Variants in IFT80 observed in about 807,000 individuals in gnomAD.
IFT80 encodes the protein intraflagellar transport protein 80 homolog.
In IFT80, 79 loss-of-function variants were observed where a neutral mutation model predicts 107.9. That is an observed-to-expected ratio of 0.73 (90% confidence interval 0.61 to 0.88). The LOEUF is 0.88. Among genes scored for constraint, IFT80 ranks in the 40% least tolerant of loss-of-function variants. The pLI is 0.00. For synonymous variants in IFT80, 299 were observed against 300.9 expected, an observed-to-expected ratio of 0.99 and a Z score of 0.07; for missense variants, 797 against 914.2, an observed-to-expected ratio of 0.87 and a Z score of 1.65.
At chr3:160,375,564 G>A (rs930832042) in intron 5 of IFT80, among the ~76,000 whole-genome samples, 7 of 151,888 alleles carry the variant, frequency 4.6e-5, no homozygotes, top group Non-Finnish European at 8.8e-5. Context: ...CCTTTCTAGA[G>A]ATTCACTAAC....
intron 5 of IFT80, among the ~76,000 whole-genome samples, chr3:160,368,152 T>G (rs577335964): frequency 6.6e-6 from 1 of 152,022 alleles, no homozygotes; most frequent in Admixed American, 6.6e-5. Flanking sequence ...ATCAATAAAA[T>G]TTAATTGTTT....
At chr3:160,315,962 T>C (rs1717785672) in intron 9 of IFT80, among the ~76,000 whole-genome samples, 1 of 152,144 alleles carries the variant, frequency 6.6e-6, no homozygotes, top group African/African-American at 2.4e-5. Flanking sequence ...AAAGGAAGCT[T>C]GTAAGGTGAC....
chr3:160,363,367 A>G (rs1322441177), intron 6 of IFT80, among the ~76,000 whole-genome samples: 1 of 152,184 alleles, frequency 6.6e-6, no homozygotes, highest in Non-Finnish European at 1.5e-5. Context: ...ATAAAGGAGG[A>G]CACAAACAAA....
At chr3:160,315,657 C>T (rs1035158998) in intron 9 of IFT80, among the ~76,000 whole-genome samples, 1 of 152,078 alleles carries the variant, frequency 6.6e-6, no homozygotes, top group Admixed American at 6.6e-5. Context: ...GTTTTCCTTT[C>T]TCCCCTTTTC....
chr3:160,381,658 T>C lies in IFT80; in HGVS notation c.104A>G (p.His35Arg). Reference protein sequence around the residue: ...AEELYSCSDDHQIVKWNLLTS... With the variant: ...AEELYSCSDDRQIVKWNLLTS... ...TAACAAGTTCCACTTCACTATCTGG[T>C]GATCATCACTACATGAATACAGCTC... is the stretch of plus-strand genomic sequence containing the variant. The change falls in exon 3 of 20, where the codon CAC becomes CGC. Residue 35 changes from histidine to arginine, a missense_variant. His to Arg is a conservative substitution (Grantham distance 29). Transcript: ENST00000326448. 1 of 1,612,406 alleles carries C rather than the reference T, an allele frequency of 6.2e-7. No individual in the cohort carries two copies. Among genetic ancestry groups the C allele is most frequent in the Non-Finnish European group, 8.5e-7 (1 of 1,179,922 alleles).
At chr3:160,312,203 G>T (rs531847753) in intron 9 of IFT80, among the ~76,000 whole-genome samples, 1 of 152,130 alleles carries the variant, frequency 6.6e-6, no homozygotes, top group Non-Finnish European at 1.5e-5. Context: ...TATGTGAATG[G>T]TGCCCTCTGG....
intron 8 of IFT80, among the ~76,000 whole-genome samples, chr3:160,347,407 T>C (rs1352727130): frequency 6.6e-6 from 1 of 152,206 alleles, no homozygotes; most frequent in African/African-American, 2.4e-5. Context: ...AACCAATTTC[T>C]AGGGCTGCCT....
intron 6 of IFT80, among the ~76,000 whole-genome samples, chr3:160,358,202 T>G (rs1380606621): frequency 1.3e-5 from 2 of 151,234 alleles, no homozygotes; most frequent in Non-Finnish European, 2.9e-5. Flanking sequence ...TTTTGGTAGA[T>G]AACTCTTGCT....
chr3:160,363,085 T>C (rs1267723483), intron 6 of IFT80, among the ~76,000 whole-genome samples: 1 of 152,190 alleles, frequency 6.6e-6, no homozygotes, highest in Non-Finnish European at 1.5e-5. Context: ...ATTGTCCCTG[T>C]TTGCAGATGA....
chr3:160,264,420 T>C (rs1713122800), intron 19 of IFT80, among the ~76,000 whole-genome samples: 1 of 149,570 alleles, frequency 6.7e-6, no homozygotes, highest in Admixed American at 6.7e-5. Context: ...GGGATCAGGA[T>C]TTTATTTTAT....
intron 9 of IFT80, among the ~76,000 whole-genome samples, chr3:160,313,572 T>C (rs907025434): frequency 6.6e-6 from 1 of 151,398 alleles, no homozygotes; most frequent in African/African-American, 2.4e-5. Flanking sequence ...GTTTCAAAAC[T>C]ATGGCAAATT....
chr3:160,352,981 T>C (rs1426440854), intron 8 of IFT80, among the ~76,000 whole-genome samples: 1 of 152,202 alleles, frequency 6.6e-6, no homozygotes, highest in Non-Finnish European at 1.5e-5. Context: ...ATGATGATCT[T>C]AGAGTATGCT....
At chr3:160,297,611 G>A (rs1041140494) in intron 12 of IFT80, among the ~76,000 whole-genome samples, 3 of 151,610 alleles carry the variant, frequency 2.0e-5, no homozygotes, top group Non-Finnish European at 4.4e-5. Context: ...ATCTTCTAAG[G>A]TTGCCAATTA....
chr3:160,292,338 A>G (rs141646217), intron 12 of IFT80, among the ~76,000 whole-genome samples: 2 of 152,362 alleles, frequency 1.3e-5, no homozygotes, highest in East Asian at 3.9e-4. Flanking sequence ...GGTTTGGTAA[A>G]GAATCAGAAT....
In IFT80 at chr3:160,384,389, T is replaced by C. The variant is rs369632382; in HGVS notation, c.37+175A>G. Reference sequence around the variant, plus strand: ...ATAAGATTTATAGCAAACGGTTCACTTTGGAGAATTACTTACAACACATGA... The same window carrying C: ...ATAAGATTTATAGCAAACGGTTCACCTTGGAGAATTACTTACAACACATGA... On this transcript the variant is annotated intron_variant, in intron 2 of 19. Transcript: ENST00000326448. The C allele has an allele frequency of 2.0e-5, 25 of 1,268,886 alleles. No homozygotes were observed. In the East Asian group the frequency reaches 2.9e-4, roughly 15 times the overall value. The allele number at this position is 1,268,886 out of a possible 1,614,324, so 78.6% of individuals were successfully genotyped here.
In IFT80 at chr3:160,384,577, T is replaced by A. The variant is rs761978143; in HGVS notation, c.24A>T (p.Leu8Phe). The change falls in exon 2 of 20, where the codon TTA (leucine) becomes TTT (phenylalanine). Residue 8 changes from leucine (L) to phenylalanine (F), a missense_variant. Transcript: ENST00000326448. The stretch of plus-strand genomic sequence containing the variant: ...TTAAAAGGATATGCTTTGGTTCTTT[T>A]AAAAGAGATATCTTTAGTCTCATGA... Reference protein sequence around the residue: MRLKISLLKEPKHQELVS... With the variant: MRLKISLFKEPKHQELVS... 6.6e-7 allele frequency: 1 copy of A among 1,517,112 alleles called. No individual in the cohort carries two copies. The highest frequency in any genetic ancestry group is 9.2e-7 in the Non-Finnish European group (1 of 1,092,792). 94.0% of individuals were successfully genotyped at this position (1,517,112 alleles called of 1,614,324 possible).
intron 1 of IFT80, among the ~76,000 whole-genome samples, chr3:160,388,993 C>A (rs7611130): frequency 1.3e-5 from 2 of 152,046 alleles, no homozygotes; most frequent in African/African-American, 4.8e-5. Context: ...ACCTTGATAT[C>A]AACATAACCC....
Position 160,381,706 on chromosome 3 carries a change from C to T in IFT80, c.56G>A (p.Cys19Tyr). 6.2e-7 allele frequency: 1 copy of T among 1,611,916 alleles called. No individual in the cohort carries two copies. Among genetic ancestry groups the T allele is most frequent in the Non-Finnish European group, 8.5e-7 (1 of 1,179,778 alleles). Residue 19 changes from cysteine (C) to tyrosine (Y), a missense_variant, in exon 3 of 20, where the codon TGT (cysteine) becomes TAT (tyrosine). Coordinates refer to ENST00000326448, the MANE Select transcript of IFT80 (RefSeq NM_020800.3). ...KEPKHQELVS[C>Y]VGWTTAEELY... ...CTCTTCAGCAGTAGTCCAGCCCACA[C>T]AGCTTACTAATTCTTGATGTGTCAC...
At chr3:160,362,170 T>TA (rs1277699975) in intron 6 of IFT80, among the ~76,000 whole-genome samples, 1 of 151,748 alleles carries the variant, frequency 6.6e-6, no homozygotes, top group Non-Finnish European at 1.5e-5. Context: ...ATCAAATAGA[T>TA]ACAATAAAAA....
Sources: allele counts gnomAD v4.1 joint callset (sites outside exome capture counted in the v4.1 genomes callset), GRCh38; gene constraint gnomAD v4.1.1; transcripts MANE v1.5; gene names NCBI Gene and HGNC (gene_info 2026-07-23, HGNC 2026-07-21).